SYCP1: variants seen among roughly 807,000 people sequenced by gnomAD.
SYCP1 encodes the protein cancer/testis antigen 8.
Under a neutral mutation model 153.1 loss-of-function variants are expected in SYCP1, and 64 were observed. The ratio of observed to expected loss-of-function variants is 0.42; its 90% CI spans 0.34 to 0.51. The LOEUF is 0.51. SYCP1 is among the 20% of genes least tolerant of loss of function. SYCP1 has a pLI of 0.06. For missense variants in SYCP1, 997 were observed against 1,049.0 expected, an observed-to-expected ratio of 0.95 and a Z score of 0.68; for synonymous variants, 384 against 341.8, an observed-to-expected ratio of 1.12 and a Z score of -1.36.
chr1:114,980,078 G>A (rs1254085648), intron 28 of SYCP1, among the ~76,000 whole-genome samples: 1 of 151,756 alleles, frequency 6.6e-6, no homozygotes, highest in Non-Finnish European at 1.5e-5. Flanking sequence ...GTAAAGGAGG[G>A]CTCTACAATG....
chr1:114,941,423 A>G (rs1670380343), intron 23 of SYCP1, among the ~76,000 whole-genome samples: 1 of 152,032 alleles, frequency 6.6e-6, no homozygotes, highest in African/African-American at 2.4e-5. Context: ...TGCTTGTTAT[A>G]TCTTTTAAAT....
intron 15 of SYCP1, among the ~76,000 whole-genome samples, chr1:114,888,379 A>G (rs1443370317): frequency 2.0e-5 from 3 of 152,004 alleles, no homozygotes; most frequent in Non-Finnish European, 4.4e-5. Flanking sequence ...TGTAAGCTTT[A>G]TTATTAGATT....
rs567993324 is a variant in SYCP1 at position 114,941,495 on chromosome 1, G to C, written c.1927-2844G>C. 3.3e-5 allele frequency among the ~76,000 whole-genome samples: 5 copies of C among 152,152 alleles called. No homozygotes were observed. The South Asian group carries it at 1.0e-3, about 32-fold the overall frequency. On this transcript the variant is annotated intron_variant, in intron 23 of 31. Transcript: ENST00000369522. ...GACTCTTATAAATAGCATGTAGCCA[G>C]AGTTTATAATTTTATGCACTCTGAC...
intron 3 of SYCP1, 58 bp downstream of exon 3, chr1:114,856,715 C>T (rs1035249004): frequency 1.2e-5 from 15 of 1,225,546 alleles, no homozygotes; most frequent in East Asian, 4.8e-5. Flanking sequence ...TTACATACAT[C>T]GATAGTTATT....
chr1:114,915,630 T>A (rs554388968), intron 20 of SYCP1, among the ~76,000 whole-genome samples: 1 of 152,294 alleles, frequency 6.6e-6, no homozygotes, highest in Admixed American at 6.5e-5. Flanking sequence ...CTAGTCAGTA[T>A]CTCAGGAGCT....
rs76490679 is a variant in SYCP1 at position 114,910,851 on chromosome 1, C to T, written c.1425+350C>T. The stretch of plus-strand genomic sequence containing the variant: ...TCAAATGCACAATCATTGCACACTG[C>T]AGCTTTGAACTCCTGTGCTTCCTGG... On this transcript the variant is annotated intron_variant, in intron 17 of 31. Transcript: ENST00000369522. Among the ~76,000 whole-genome samples, 17 of 152,170 alleles carry T rather than the reference C, an allele frequency of 1.1e-4. No homozygotes were observed. The East Asian group carries it at 2.7e-3, about 24-fold the overall frequency.
Position 114,926,579 on chromosome 1 carries a change from AT to A in SYCP1, c.1926+21del. 6.3e-7 allele frequency: 1 copy of A among 1,579,410 alleles called. No homozygotes were observed. Among genetic ancestry groups the A allele is most frequent in the Non-Finnish European group, 8.6e-7 (1 of 1,163,870 alleles). On this transcript the variant is annotated intron_variant, in intron 23 of 31. Coordinates refer to ENST00000369522, the MANE Select transcript of SYCP1 (RefSeq NM_003176.4). ...TGAGATAAAGGTATTTGGCATCTTTATTTTTGTTTTTTAAATACTAATAGAT... is the reference window on the plus strand; with the variant it reads ...TGAGATAAAGGTATTTGGCATCTTTATTTTGTTTTTTAAATACTAATAGAT...
intron 27 of SYCP1, among the ~76,000 whole-genome samples, chr1:114,962,101 C>G (rs1191049685): frequency 6.6e-6 from 1 of 151,860 alleles, no homozygotes; most frequent in Non-Finnish European, 1.5e-5. Flanking sequence ...CATCAGCCGC[C>G]TGAGTAGAGT....
chr1:114,916,874 G>T (rs1275904138), intron 20 of SYCP1, among the ~76,000 whole-genome samples: 4 of 151,314 alleles, frequency 2.6e-5, no homozygotes, highest in African/African-American at 9.7e-5. Flanking sequence ...ATTTTTGTGG[G>T]TGCATAGTAG....
In SYCP1 at chr1:114,895,495, T is replaced by C. The variant is rs1252884710; in HGVS notation, c.1306T>C (p.Leu436=). Residue 436 remains leucine (L), a synonymous_variant, in exon 16 of 32, where the codon TTG becomes CTG. Transcript: ENST00000369522. ...TNNKEVELEE[L]KKVLGEKETL... Reference sequence around the variant, plus strand: ...TAACAAAGAAGTAGAACTTGAAGAATTGAAAAAAGTCTTGGTAAGTATAGT... The same window carrying C: ...TAACAAAGAAGTAGAACTTGAAGAACTGAAAAAAGTCTTGGTAAGTATAGT... 7 of 1,519,204 alleles carry C rather than the reference T, an allele frequency of 4.6e-6. No individual in the cohort carries two copies. The highest frequency in any genetic ancestry group is 5.4e-6 in the Non-Finnish European group (6 of 1,116,022). 94.1% of individuals were successfully genotyped at this position (1,519,204 alleles called of 1,614,324 possible).
At chr1:114,923,984 T>C (rs1268013541) in intron 21 of SYCP1, among the ~76,000 whole-genome samples, 3 of 152,156 alleles carry the variant, frequency 2.0e-5, no homozygotes, top group Non-Finnish European at 4.4e-5. Flanking sequence ...GGAAGAAAAT[T>C]CTGCCAAAGT....
At chr1:114,905,053 C>A (rs1348319133) in intron 16 of SYCP1, among the ~76,000 whole-genome samples, 1 of 152,066 alleles carries the variant, frequency 6.6e-6, no homozygotes, top group Admixed American at 6.5e-5. Flanking sequence ...GAGTATTGTA[C>A]TTTTTTTCTA....
intron 7 of SYCP1, 37 bp downstream of exon 7, chr1:114,859,847 T>A: frequency 1.7e-6 from 1 of 604,492 alleles, no homozygotes; most frequent in East Asian, 1.1e-4. Flanking sequence ...CTTTTCACAT[T>A]TTTTATTCCA....
rs183870317 is a variant in SYCP1, at chr1:114,947,427, G to T, written c.2322+107G>T. 990 of 759,984 alleles carry T rather than the reference G, an allele frequency of 1.3e-3. 5 individuals are homozygous for T. The highest frequency in any genetic ancestry group is 3.6e-4 in the Non-Finnish European group (172 of 482,532). 47.1% of individuals were successfully genotyped at this position (759,984 alleles called of 1,614,324 possible). ...AATAATTTGATAAATTTTAATAACG[G>T]GATGAGAAAATAATTTTCCCCCAGA... On this transcript the variant is annotated intron_variant, in intron 27 of 31. Transcript: ENST00000369522.
At chr1:114,921,079 A>G (rs1204544322) in intron 20 of SYCP1, among the ~76,000 whole-genome samples, 1 of 151,400 alleles carries the variant, frequency 6.6e-6, no homozygotes, top group Non-Finnish European at 1.5e-5. Flanking sequence ...TTTTCCTTTT[A>G]GTGAAGGCAA....
At position 114,913,985 on chromosome 1, in the gene SYCP1, A is replaced by C; in HGVS notation, c.1658A>C (p.Lys553Thr). 1.3e-6 allele frequency: 2 copies of C among 1,565,150 alleles called. No individual in the cohort carries two copies. Among genetic ancestry groups the C allele is most frequent in the Non-Finnish European group, 1.7e-6 (2 of 1,157,066 alleles). Residue 553 changes from lysine to threonine, a missense_variant, in exon 20 of 32, where the codon AAG becomes ACG. Physicochemically the swap from Lys to Thr is moderately conservative, Grantham distance 78. Coordinates refer to ENST00000369522, the MANE Select transcript of SYCP1 (RefSeq NM_003176.4). ...NQQEDINNNK[K>T]QEERMLKQIE... ...ACATTATTTCTTTAGAATAACAAAAAGCAAGAAGAAAGGATGTTGAAACAA... is the reference window on the plus strand; with the variant it reads ...ACATTATTTCTTTAGAATAACAAAACGCAAGAAGAAAGGATGTTGAAACAA...
chr1:114,924,020 C>T (rs529030056), intron 21 of SYCP1, among the ~76,000 whole-genome samples: 1 of 152,186 alleles, frequency 6.6e-6, no homozygotes, highest in African/African-American at 2.4e-5. Flanking sequence ...ATTTTGAGGT[C>T]TTTGATTGTG....
intron 30 of SYCP1, among the ~76,000 whole-genome samples, chr1:114,993,259 G>T (rs1674046742): frequency 6.6e-6 from 1 of 151,548 alleles, no homozygotes. Flanking sequence ...GTAGCTCTAT[G>T]ACTTATTTAT....
intron 30 of SYCP1, among the ~76,000 whole-genome samples, chr1:114,990,193 C>T (rs771866051): frequency 4.6e-5 from 7 of 151,802 alleles, no homozygotes; most frequent in Non-Finnish European, 8.8e-5. Flanking sequence ...ATAAGGAAAA[C>T]TGGAATATTT....
Sources: allele counts gnomAD v4.1 joint callset (sites outside exome capture counted in the v4.1 genomes callset), GRCh38; gene constraint gnomAD v4.1.1; transcripts MANE v1.5; gene names NCBI Gene and HGNC (gene_info 2026-07-23, HGNC 2026-07-21).